ZMYM2: variants seen among roughly 807,000 people sequenced by gnomAD.
ZMYM2 encodes the protein zinc finger MYM-type containing 2.
ZMYM2 carries 56 observed loss-of-function variants against 162.8 expected under a neutral mutation model. That is an observed-to-expected ratio of 0.34 (90% CI 0.28 to 0.43). The LOEUF (loss-of-function observed/expected upper bound fraction) is 0.43, where lower values mean the gene tolerates loss of function less well. ZMYM2 is among the 20% of genes least tolerant of loss of function. ZMYM2 has a pLI of 1.00. For synonymous variants in ZMYM2, 510 were observed against 541.6 expected (o/e 0.94, Z 0.81); for missense variants, 1,275 against 1,621.8 (o/e 0.79, Z 3.67).
the ZMYM2 span, among the ~76,000 whole-genome samples, chr13:19,890,821 G>A: frequency 2.0e-5 from 3 of 150,994 alleles, no homozygotes; most frequent in Admixed American, 6.6e-5. Context: ...GCGGTGAGCC[G>A]AGATTGTGCC....
At chr13:20,052,754 G>A (rs1955480352) in intron 14 of ZMYM2, among the ~76,000 whole-genome samples, 1 of 152,198 alleles carries the variant, frequency 6.6e-6, no homozygotes, top group Admixed American at 6.5e-5. Context: ...ATGAAAAGTA[G>A]GAGAATAATA....
At chr13:19,935,732 G>A in the ZMYM2 span, among the ~76,000 whole-genome samples, 167 of 151,916 alleles carry the variant, frequency 1.1e-3, 2 homozygotes, top group Middle Eastern at 6.8e-3. Flanking sequence ...TGCAACCTCC[G>A]CCTCCTAGGT....
chr13:19,975,873 T>TA (rs1956739065), intron 2 of ZMYM2, among the ~76,000 whole-genome samples: 2 of 126,668 alleles, frequency 1.6e-5, no homozygotes, highest in African/African-American at 7.1e-5. Flanking sequence ...TGTATGTATG[T>TA]ATGTATGTAT....
the ZMYM2 span, among the ~76,000 whole-genome samples, chr13:19,909,858 T>C: frequency 6.6e-6 from 1 of 152,032 alleles, no homozygotes; most frequent in South Asian, 2.1e-4. Context: ...GACAAAAATC[T>C]GGGGAACATG....
At chr13:19,977,508 T>A (rs1237956428) in intron 2 of ZMYM2, among the ~76,000 whole-genome samples, 1 of 152,022 alleles carries the variant, frequency 6.6e-6, no homozygotes, top group Admixed American at 6.6e-5. Flanking sequence ...TTTTTTTTTT[T>A]TTGAGACGGA....
At chr13:19,971,060 G>A (rs1566181295) in intron 2 of ZMYM2, among the ~76,000 whole-genome samples, 1 of 151,832 alleles carries the variant, frequency 6.6e-6, no homozygotes. Context: ...AATGAGCAAG[G>A]TGGGGAAGAG....
intron 7 of ZMYM2, among the ~76,000 whole-genome samples, chr13:20,022,320 C>T (rs1214824125): frequency 1.3e-5 from 2 of 152,144 alleles, no homozygotes; most frequent in African/African-American, 4.8e-5. Context: ...GATAGTTCCT[C>T]AAGATTAGAT....
At chr13:19,883,638 G>C in the ZMYM2 span, among the ~76,000 whole-genome samples, 2 of 152,010 alleles carry the variant, frequency 1.3e-5, no homozygotes, top group Non-Finnish European at 2.9e-5. Flanking sequence ...TTTCCTTTTT[G>C]TCTTTTCAAT....
At chr13:19,951,859 A>G in the ZMYM2 span, among the ~76,000 whole-genome samples, 4 of 152,292 alleles carry the variant, frequency 2.6e-5, no homozygotes, top group East Asian at 7.7e-4. Context: ...ATTGACTACC[A>G]TGTGATCCAG....
At chr13:19,964,565 A>G (rs952355474) in intron 2 of ZMYM2, among the ~76,000 whole-genome samples, 6 of 152,166 alleles carry the variant, frequency 3.9e-5, no homozygotes, top group African/African-American at 1.4e-4. Context: ...ATGCCCAGCC[A>G]GTAGGTTGGG....
chr13:19,986,153 C>T (rs140482263), intron 2 of ZMYM2, among the ~76,000 whole-genome samples: 1 of 152,122 alleles, frequency 6.6e-6, no homozygotes, highest in African/African-American at 2.4e-5. Context: ...GCCTAGATCG[C>T]ACCACTGCTC....
chr13:19,902,761 C>CT, the ZMYM2 span, among the ~76,000 whole-genome samples: 1 of 152,096 alleles, frequency 6.6e-6, no homozygotes, highest in Non-Finnish European at 1.5e-5. Context: ...ACCCATAATC[C>CT]CAGCACTTTG....
the ZMYM2 span, among the ~76,000 whole-genome samples, chr13:19,913,243 C>A: frequency 6.6e-6 from 1 of 152,166 alleles, no homozygotes; most frequent in Admixed American, 6.6e-5. Flanking sequence ...GAAAGACCTT[C>A]TGGGCTGCTA....
intron 14 of ZMYM2, among the ~76,000 whole-genome samples, chr13:20,053,254 TG>T (rs1955518724): frequency 6.6e-6 from 1 of 152,222 alleles, no homozygotes; most frequent in African/African-American, 2.4e-5. Context: ...TAGTTCTTGT[TG>T]TGTTACAAAA....
At chr13:20,004,621 T>G (rs1950613151) in intron 4 of ZMYM2, among the ~76,000 whole-genome samples, 1 of 152,208 alleles carries the variant, frequency 6.6e-6, no homozygotes, top group Non-Finnish European at 1.5e-5. Context: ...TGAGGTTATT[T>G]GGGGATGGGG....
At chr13:20,011,794 G>T (rs1951214415) in intron 6 of ZMYM2, among the ~76,000 whole-genome samples, 1 of 150,336 alleles carries the variant, frequency 6.7e-6, no homozygotes, top group Non-Finnish European at 1.5e-5. Flanking sequence ...CTGTTGCTCA[G>T]GCTGGAGTGC....
the ZMYM2 span, among the ~76,000 whole-genome samples, chr13:19,887,665 A>C: frequency 6.6e-6 from 1 of 151,914 alleles, no homozygotes; most frequent in East Asian, 1.9e-4. Flanking sequence ...CAAGATAAAT[A>C]CACACATTTT....
chr13:20,001,412 A>T (rs1332922675), intron 3 of ZMYM2, among the ~76,000 whole-genome samples: 3 of 145,814 alleles, frequency 2.1e-5, no homozygotes, highest in Non-Finnish European at 4.6e-5. Context: ...AAAAAAAAAA[A>T]GTAGAGCCCG....
At chr13:19,972,487 T>A (rs1956415268) in intron 2 of ZMYM2, among the ~76,000 whole-genome samples, 1 of 152,166 alleles carries the variant, frequency 6.6e-6, no homozygotes, top group Non-Finnish European at 1.5e-5. Context: ...CACTTAGTGG[T>A]ATGTCTTAGC....
Sources: allele counts gnomAD v4.1 joint callset (sites outside exome capture counted in the v4.1 genomes callset), GRCh38; gene constraint gnomAD v4.1.1; transcripts MANE v1.5; gene names NCBI Gene and HGNC (gene_info 2026-07-23, HGNC 2026-07-21).